The following FLACC1 variants were observed in gnomAD, a reference collection of about 807,000 sequenced individuals.
The protein encoded by FLACC1 is flagellum associated containing coiled-coil domains 1, also known as flagellum-associated coiled-coil domain-containing protein 1.
A neutral mutation model predicts 62.8 loss-of-function variants in FLACC1; 66 were observed. The ratio of observed to expected loss-of-function variants is 1.05; its 90% CI spans 0.86 to 1.29. The LOEUF is 1.29. Ranked by LOEUF, FLACC1 falls within the 50% of genes most tolerant of loss-of-function variation. The pLI is 0.00. For missense variants in FLACC1, 452 were observed against 489.1 expected (o/e 0.92, Z 0.71); for synonymous variants, 156 against 161.0 (o/e 0.97, Z 0.24).
chr2:201,339,388 TG>T (rs532309917), intron 7 of FLACC1, among the ~76,000 whole-genome samples: 63 of 152,220 alleles, frequency 4.1e-4, no homozygotes, highest in African/African-American at 1.3e-3. Flanking sequence ...CCCTTTGTAT[TG>T]TTTTTTTAGT....
chr2:201,296,982 G>A (rs1199644655), intron 12 of FLACC1, among the ~76,000 whole-genome samples: 1 of 152,090 alleles, frequency 6.6e-6, no homozygotes, highest in African/African-American at 2.4e-5. Context: ...TGACAACAGA[G>A]TTGGAGGGAC....
intron 7 of FLACC1, among the ~76,000 whole-genome samples, chr2:201,341,778 C>A (rs1438861302): frequency 7.9e-5 from 12 of 152,176 alleles, no homozygotes; most frequent in Admixed American, 7.2e-4. Flanking sequence ...GTTCACCCTA[C>A]ATATTTGCAA....
chr2:201,362,850 G>A, the FLACC1 span, among the ~76,000 whole-genome samples: 1 of 152,014 alleles, frequency 6.6e-6, no homozygotes, highest in Admixed American at 6.6e-5. Context: ...CTGGCTTAGG[G>A]TAGGAGTCTC....
At chr2:201,359,396 G>C (rs1383507508), upstream of FLACC1, among the ~76,000 whole-genome samples, 2 of 152,180 alleles carry the variant, frequency 1.3e-5, no homozygotes, top group Admixed American at 6.5e-5. Flanking sequence ...AGATTTAGGA[G>C]TCTTCAGAGT....
chr2:201,336,512 G>T (rs1363771121), intron 7 of FLACC1, among the ~76,000 whole-genome samples: 2 of 152,114 alleles, frequency 1.3e-5, no homozygotes, highest in Non-Finnish European at 2.9e-5. Flanking sequence ...ACATTCCTTT[G>T]AGTACAATAC....
chr2:201,310,601 A>T (rs1173299813), intron 9 of FLACC1, among the ~76,000 whole-genome samples: 1 of 152,210 alleles, frequency 6.6e-6, no homozygotes, highest in South Asian at 2.1e-4. Flanking sequence ...GGCCTTCATC[A>T]AATGAGCTGA....
intron 9 of FLACC1, among the ~76,000 whole-genome samples, chr2:201,320,062 A>C (rs1950374867): frequency 6.6e-6 from 1 of 152,176 alleles, no homozygotes; most frequent in South Asian, 2.1e-4. Context: ...ACAGGAACTG[A>C]CTTGGGGAGG....
rs750273820 is a variant in FLACC1 at position 201,348,235 on chromosome 2, C to G, written c.234+19G>C. 1 of 1,611,524 alleles carries G rather than the reference C, an allele frequency of 6.2e-7. No individual in the cohort carries two copies. The highest frequency in any genetic ancestry group is 1.1e-5 in the South Asian group (1 of 90,650). On this transcript the variant is annotated intron_variant, in intron 4 of 14. Transcript: ENST00000392257. ...CTCAATAAATTTTAGTCCCACCGCC[C>G]TCTCCTGCCTTTACTCACATAAAAT...
At chr2:201,359,660 T>A (rs1951168396), upstream of FLACC1, among the ~76,000 whole-genome samples, 1 of 152,180 alleles carries the variant, frequency 6.6e-6, no homozygotes, top group African/African-American at 2.4e-5. Context: ...GATTCAGCAA[T>A]GTCCTTGGAG....
intron 11 of FLACC1, among the ~76,000 whole-genome samples, chr2:201,305,374 C>T (rs572316690): frequency 3.7e-4 from 56 of 152,276 alleles, no homozygotes; most frequent in African/African-American, 1.1e-3. Context: ...CAAATCAAAA[C>T]GACAATGAGA....
At chr2:201,291,008 A>T (rs1334209809) in intron 12 of FLACC1, among the ~76,000 whole-genome samples, 2 of 152,216 alleles carry the variant, frequency 1.3e-5, no homozygotes, top group Non-Finnish European at 2.9e-5. Context: ...CTGAGGATTG[A>T]GTAGGTAAAC....
At chr2:201,356,729 T>C (rs1951125068) in intron 1 of FLACC1, among the ~76,000 whole-genome samples, 1 of 152,252 alleles carries the variant, frequency 6.6e-6, no homozygotes, top group African/African-American at 2.4e-5. Context: ...GATATTTCCA[T>C]GTCATCACAG....
chr2:201,331,436 T>C (rs1252904001), intron 7 of FLACC1, among the ~76,000 whole-genome samples: 2 of 152,168 alleles, frequency 1.3e-5, no homozygotes, highest in East Asian at 1.9e-4. Flanking sequence ...ATGGGCTGCA[T>C]TGCCACCCAG....
chr2:201,355,581 C>G (rs1183008152), intron 1 of FLACC1, among the ~76,000 whole-genome samples: 1 of 151,718 alleles, frequency 6.6e-6, no homozygotes, highest in African/African-American at 2.4e-5. Flanking sequence ...GAAGGCCTCA[C>G]AGGTGTGGTG....
Position 201,351,276 on chromosome 2 carries a change from C to T in FLACC1, c.113+16G>A. On this transcript the variant is annotated intron_variant, in intron 2 of 14. Transcript: ENST00000392257. Reference sequence around the variant, plus strand: ...CCCAAGGTCCCTGTGCCTACCCCATCCCAGATAATTCTTACTTGGAACTCC... The same window carrying T: ...CCCAAGGTCCCTGTGCCTACCCCATTCCAGATAATTCTTACTTGGAACTCC... 2 of 1,581,704 alleles carry T rather than the reference C, an allele frequency of 1.3e-6. No homozygotes were observed. Among genetic ancestry groups the T allele is most frequent in the Middle Eastern group, 1.7e-4 (1 of 6,010 alleles).
intron 7 of FLACC1, among the ~76,000 whole-genome samples, chr2:201,335,157 A>G (rs1003413083): frequency 6.6e-6 from 1 of 151,758 alleles, no homozygotes; most frequent in Non-Finnish European, 1.5e-5. Flanking sequence ...TTCTGATCTT[A>G]TTTATTTGAG....
rs1950132106 is a variant in FLACC1 at position 201,307,568 on chromosome 2, A to G, written c.830T>C (p.Ile277Thr). The G allele has an allele frequency of 6.2e-7, 1 of 1,613,970 alleles. No homozygotes were observed. The highest frequency in any genetic ancestry group is 8.5e-7 in the Non-Finnish European group (1 of 1,180,014). ...EMESGEEDKKINESCSAVFEN... is the reference protein window; with the variant it reads ...EMESGEEDKKTNESCSAVFEN... ...AAAGACAGCACTGCAGGATTCATTT[A>G]TTTTCTTATCTTCTTCTCCTGACTC... The change falls in exon 11 of 15, where the codon ATA becomes ACA. Residue 277 changes from isoleucine (I) to threonine (T), a missense_variant. Physicochemically the swap from Ile to Thr is moderately conservative, Grantham distance 89. Around this residue, in one of 3 missense-constraint regions of FLACC1, gnomAD observed 301 missense variants for 318.4 expected, o/e 0.95. Transcript: ENST00000392257.
At chr2:201,296,709 C>G (rs538529014) in intron 12 of FLACC1, among the ~76,000 whole-genome samples, 1 of 151,934 alleles carries the variant, frequency 6.6e-6, no homozygotes, top group East Asian at 1.9e-4. Context: ...CAAAGGAACA[C>G]CAATATGGCT....
rs757988028 is a variant in FLACC1 at position 201,307,604 on chromosome 2, T to A, written c.794A>T (p.Lys265Ile). The A allele has an allele frequency of 1.4e-5, 23 of 1,613,780 alleles. No homozygotes were observed. The Admixed American group carries it at 3.8e-4, about 27-fold the overall frequency. The change falls in exon 11 of 15, where the codon AAA becomes ATA. Residue 265 changes from lysine to isoleucine, a missense_variant. Around this residue, in one of 3 missense-constraint regions of FLACC1, gnomAD observed 301 missense variants for 318.4 expected, o/e 0.95. Transcript: ENST00000392257. ...TTCTTCTCCTGACTCCATTTCGAAT[T>A]TTTTGGTCATCTTTTTTTCTGTGGA... ...LLQQKKKMTKKFEMESGEEDK... is the reference protein window; with the variant it reads ...LLQQKKKMTKIFEMESGEEDK...
Sources: gnomAD v4.1 joint callset for allele counts (sites outside exome capture counted in the v4.1 genomes callset) on GRCh38, gnomAD v4.1.1 for gene constraint, gnomAD v4.1.1 regional missense constraint, MANE v1.5 for transcripts, NCBI Gene and HGNC (gene_info 2026-07-23, HGNC 2026-07-21) for gene names.